ABCB5: variants seen among roughly 807,000 people sequenced by gnomAD.
ABCB5 encodes the protein ATP-binding cassette sub-family B member 5.
A neutral mutation model predicts 144.2 loss-of-function variants in ABCB5; 155 were observed. That is an observed-to-expected ratio of 1.08 (90% CI 0.94 to 1.23). The LOEUF (loss-of-function observed/expected upper bound fraction) is 1.23, where lower values mean the gene tolerates loss of function less well. Ranked by LOEUF, ABCB5 falls within the 50% of genes most tolerant of loss-of-function variation. The pLI, the probability that ABCB5 is intolerant of heterozygous loss-of-function variation, is 0.00. For missense variants in ABCB5, 1,830 were observed against 1,520.8 expected, an observed-to-expected ratio of 1.20 and a Z score of -3.38; for synonymous variants, 610 against 528.6, an observed-to-expected ratio of 1.15 and a Z score of -2.11.
intron 14 of ABCB5, among the ~76,000 whole-genome samples, chr7:20,668,414 A>G (rs1281421369): frequency 6.9e-5 from 10 of 145,706 alleles, no homozygotes; most frequent in African/African-American, 2.6e-4. Flanking sequence ...CTGGGCCGCA[A>G]CCCTGTCTGG....
intron 22 of ABCB5, among the ~76,000 whole-genome samples, chr7:20,728,085 G>A (rs1316568936): frequency 1.3e-5 from 2 of 151,780 alleles, no homozygotes; most frequent in Non-Finnish European, 2.9e-5. Flanking sequence ...TTGTTATACT[G>A]AACTAGAGAG....
chr7:20,748,336 G>A (rs1241434092), intron 26 of ABCB5, among the ~76,000 whole-genome samples: 1 of 149,964 alleles, frequency 6.7e-6, no homozygotes, highest in Non-Finnish European at 1.5e-5. Context: ...CTTGTAATTT[G>A]TTGTACTTCC....
intron 24 of ABCB5, among the ~76,000 whole-genome samples, chr7:20,740,961 G>C (rs1214686673): frequency 6.6e-6 from 1 of 151,976 alleles, no homozygotes; most frequent in Non-Finnish European, 1.5e-5. Flanking sequence ...ACAAAAATTA[G>C]GGTGTGGGGG....
At chr7:20,637,514 G>A (rs545839945) in intron 5 of ABCB5, among the ~76,000 whole-genome samples, 10 of 151,102 alleles carry the variant, frequency 6.6e-5, no homozygotes, top group Admixed American at 5.3e-4. Context: ...TCTGCCTCCC[G>A]GGTTCAAGAG....
intron 26 of ABCB5, among the ~76,000 whole-genome samples, chr7:20,751,975 T>C (rs1782945087): frequency 6.6e-6 from 1 of 152,228 alleles, no homozygotes; most frequent in African/African-American, 2.4e-5. Flanking sequence ...AATTGAAAAG[T>C]AAGCTTTGAG....
chr7:20,735,053 C>T (rs1583460141), intron 23 of ABCB5, among the ~76,000 whole-genome samples: 1 of 152,308 alleles, frequency 6.6e-6, no homozygotes, highest in East Asian at 1.9e-4. Context: ...TTCCCCACTG[C>T]AAAGCTTTCT....
intron 13 of ABCB5, among the ~76,000 whole-genome samples, chr7:20,653,404 G>T (rs956071728): frequency 6.6e-6 from 1 of 152,160 alleles, no homozygotes; most frequent in East Asian, 1.9e-4. Context: ...ATTGGGGAAA[G>T]CTATTGTAAA....
rs142824450 is a variant in ABCB5 at position 20,753,405 on chromosome 7, G to A, written c.3475G>A (p.Gly1159Ser). 36 of 1,613,796 alleles carry A rather than the reference G, an allele frequency of 2.2e-5. No individual in the cohort carries two copies. The highest frequency in any genetic ancestry group is 2.1e-4 in the African/African-American group (16 of 74,882). ...ACTGAAAGGAGCACAGCTTTCTGGC[G>A]GCCAGAAACAAAGACTAGCTATTGC... ...VGLKGAQLSG[G>S]QKQRLAIARA... The change falls in exon 27 of 28, where the codon GGC becomes AGC. Residue 1159 changes from glycine (G) to serine (S), a missense_variant. Coordinates refer to ENST00000404938, the MANE Select transcript of ABCB5 (RefSeq NM_001163941.2).
At chr7:20,684,551 T>C (rs919014988) in intron 15 of ABCB5, among the ~76,000 whole-genome samples, 3 of 151,954 alleles carry the variant, frequency 2.0e-5, no homozygotes, top group Non-Finnish European at 4.4e-5. Context: ...CTGAGGAGTT[T>C]AACACTAGCT....
intron 4 of ABCB5, among the ~76,000 whole-genome samples, chr7:20,630,606 C>T (rs1304463331): frequency 6.6e-6 from 1 of 152,066 alleles, no homozygotes; most frequent in Non-Finnish European, 1.5e-5. Flanking sequence ...TAAATTGATG[C>T]ATATGCTAAA....
At chr7:20,679,816 G>A (rs958837754) in intron 14 of ABCB5, among the ~76,000 whole-genome samples, 1 of 152,094 alleles carries the variant, frequency 6.6e-6, no homozygotes, top group Non-Finnish European at 1.5e-5. Context: ...CTATTGGGGG[G>A]TTTATAAAAT....
intron 16 of ABCB5, among the ~76,000 whole-genome samples, chr7:20,693,339 T>A (rs1237907920): frequency 2.0e-5 from 3 of 152,012 alleles, no homozygotes; most frequent in African/African-American, 4.8e-5. Context: ...GTACCCCATG[T>A]TGGGTAACAG....
At chr7:20,729,843 C>T (rs970514436) in intron 23 of ABCB5, among the ~76,000 whole-genome samples, 1 of 152,182 alleles carries the variant, frequency 6.6e-6, no homozygotes, top group Non-Finnish European at 1.5e-5. Context: ...TTTGGCAGAA[C>T]ACACTGGGCA....
rs139257399 is a variant in ABCB5, at chr7:20,715,378, T to C, written c.2422-7638T>C. On this transcript the variant is annotated intron_variant, in intron 20 of 27. Transcript: ENST00000404938. ...CTTACTTCATTTCCTTTTGCTTTAATGTCTAGAGCTGGAATGCGTGGTGTA... is the reference window on the plus strand; with the variant it reads ...CTTACTTCATTTCCTTTTGCTTTAACGTCTAGAGCTGGAATGCGTGGTGTA... Among the ~76,000 whole-genome samples the C allele has an allele frequency of 5.1e-4, 78 of 152,066 alleles. 2 individuals carry two copies. In the East Asian group the frequency reaches 0.014, roughly 28 times the overall value.
At chr7:20,659,906 A>G (rs1001261923) in intron 14 of ABCB5, 6 of 941,696 alleles carry the variant, frequency 6.4e-6, no homozygotes, top group Non-Finnish European at 7.6e-6. Context: ...CTGGTCTCAA[A>G]CTCCTGACCT....
chr7:20,725,421 A>C (rs1782003915), intron 21 of ABCB5, among the ~76,000 whole-genome samples: 1 of 152,196 alleles, frequency 6.6e-6, no homozygotes, highest in South Asian at 2.1e-4. Flanking sequence ...TCTACTAAAA[A>C]TACAAAAATT....
At chr7:20,642,236 G>A (rs145637924) in intron 5 of ABCB5, among the ~76,000 whole-genome samples, 1 of 152,284 alleles carries the variant, frequency 6.6e-6, no homozygotes, top group East Asian at 1.9e-4. Flanking sequence ...AAATTCTCCA[G>A]CCTCATTATT....
chr7:20,699,296 G>A (rs1786525294), intron 17 of ABCB5, among the ~76,000 whole-genome samples: 1 of 34,926 alleles, frequency 2.9e-5, no homozygotes, highest in Non-Finnish European at 5.2e-5. Flanking sequence ...TATTTACATA[G>A]TTTGAGAATT....
chr7:20,673,433 T>C (rs559509719), intron 14 of ABCB5, among the ~76,000 whole-genome samples: 2 of 152,184 alleles, frequency 1.3e-5, no homozygotes, highest in South Asian at 4.2e-4. Context: ...TCATGTATTT[T>C]AGAACTGTGT....
Sources: allele counts gnomAD v4.1 joint callset (sites outside exome capture counted in the v4.1 genomes callset), GRCh38; gene constraint gnomAD v4.1.1; transcripts MANE v1.5; gene names NCBI Gene and HGNC (gene_info 2026-07-23, HGNC 2026-07-21).